Variants in DDX19A observed in about 807,000 individuals in gnomAD.
DDX19A encodes DEAD-box helicase 19A, also known as ATP-dependent RNA helicase DDX19A.
In DDX19A, 12 loss-of-function variants were observed where a neutral mutation model predicts 60.6. That is an observed-to-expected ratio of 0.20 (90% CI 0.13 to 0.32). The LOEUF (loss-of-function observed/expected upper bound fraction) is 0.32. Ranked by LOEUF, DDX19A falls within the 10% of genes least tolerant of loss-of-function variation. The pLI is 1.00. For missense variants in DDX19A, 337 were observed against 600.6 expected, an observed-to-expected ratio of 0.56 and a Z score of 4.59; for synonymous variants, 206 against 218.2, an observed-to-expected ratio of 0.94 and a Z score of 0.49.
chr16:70,349,101 C>A (rs1261341336), intron 1 of DDX19A, among the ~76,000 whole-genome samples: 1 of 152,170 alleles, frequency 6.6e-6, no homozygotes, highest in Non-Finnish European at 1.5e-5. Flanking sequence ...GTTGTACTCA[C>A]AACTATGATT....
chr16:70,353,207 C>T (rs1964080339), intron 2 of DDX19A, among the ~76,000 whole-genome samples: 1 of 151,122 alleles, frequency 6.6e-6, no homozygotes, highest in African/African-American at 2.5e-5. Context: ...CTCTGCCTGC[C>T]AGGTTCAAGC....
rs536452392 is a variant in DDX19A, at chr16:70,372,666, T to C, written c.*680T>C. 2.0e-5 allele frequency: 3 copies of C among 152,608 alleles called. No individual in the cohort carries two copies. Among genetic ancestry groups the C allele is most frequent in the Non-Finnish European group, 4.4e-5 (3 of 68,626 alleles). The allele number at this position is 152,608 out of a possible 1,614,324, so 9.5% of individuals were successfully genotyped here. A position where few individuals can be genotyped will look rare whatever the true frequency, so the allele number is the denominator to read the frequency against. On this transcript the variant is annotated 3_prime_UTR_variant, in exon 12 of 12. Transcript: ENST00000302243. ...TGAATCCTGACCCCTTGAGAGAGAG[T>C]GATCTGGCGAGGGCCGATGAAGGGG...
intron 1 of DDX19A, among the ~76,000 whole-genome samples, chr16:70,349,043 A>G (rs1358239048): frequency 6.6e-6 from 1 of 152,224 alleles, no homozygotes; most frequent in Non-Finnish European, 1.5e-5. Flanking sequence ...TCCCCAAGAG[A>G]TGCCAGGTTT....
chr16:70,347,593 G>A (rs955305021), intron 1 of DDX19A, among the ~76,000 whole-genome samples: 8 of 152,172 alleles, frequency 5.3e-5, no homozygotes, highest in African/African-American at 1.9e-4. Context: ...TCATTCAACT[G>A]GAATGTAATT....
At chr16:70,349,340 C>T (rs1174186450) in intron 1 of DDX19A, among the ~76,000 whole-genome samples, 1 of 152,246 alleles carries the variant, frequency 6.6e-6, no homozygotes, top group South Asian at 2.1e-4. Flanking sequence ...TCACCCTGTG[C>T]CTAGCATGTA....
intron 4 of DDX19A, among the ~76,000 whole-genome samples, chr16:70,357,362 G>GTTTTT (rs1248365917): frequency 7.4e-4 from 36 of 48,860 alleles, no homozygotes; most frequent in East Asian, 1.3e-3. Context: ...TCTGTTTTTG[G>GTTTTT]TTTGTTTTTT....
chr16:70,372,065 A>G lies in DDX19A; in HGVS notation c.*79A>G. ...AAGTGCATTTAGGGCACAGGCCCCG[A>G]CATCACCCCAAGGACAACGGCAGAA... On this transcript the variant is annotated 3_prime_UTR_variant, in exon 12 of 12. Transcript: ENST00000302243. The G allele has an allele frequency of 6.2e-7, 1 of 1,606,770 alleles. No homozygotes were observed. Among genetic ancestry groups the G allele is most frequent in the South Asian group, 1.1e-5 (1 of 90,896 alleles).
In DDX19A at chr16:70,371,997, C is replaced by G. The variant is rs1358702598; in HGVS notation, c.*11C>G. On this transcript the variant is annotated 3_prime_UTR_variant, in exon 12 of 12. Coordinates refer to ENST00000302243, the MANE Select transcript of DDX19A (RefSeq NM_018332.5). Reference sequence around the variant, plus strand: ...AAAATAGCCAACTGAGAAGCTCCACCAGCCACTGATGCCAGCCCTGGCACT... The same window carrying G: ...AAAATAGCCAACTGAGAAGCTCCACGAGCCACTGATGCCAGCCCTGGCACT... The G allele has an allele frequency of 1.2e-6, 2 of 1,614,014 alleles. No individual in the cohort carries two copies. Among genetic ancestry groups the G allele is most frequent in the Admixed American group, 3.3e-5 (2 of 60,008 alleles).
At chr16:70,360,587 G>A (rs918124074) in intron 4 of DDX19A, among the ~76,000 whole-genome samples, 6 of 151,792 alleles carry the variant, frequency 4.0e-5, no homozygotes, top group Non-Finnish European at 8.8e-5. Context: ...TCAAGCAGTC[G>A]TCCCACCTAG....
intron 4 of DDX19A, 71 bp downstream of exon 4, chr16:70,356,318 A>C: frequency 6.4e-7 from 1 of 1,564,026 alleles, no homozygotes. Flanking sequence ...CATCTGAGAG[A>C]TTCTTGTGAG....
At chr16:70,347,480 T>C (rs1963870346) in intron 1 of DDX19A, among the ~76,000 whole-genome samples, 2 of 152,240 alleles carry the variant, frequency 1.3e-5, no homozygotes, top group Admixed American at 6.5e-5. Context: ...CTTTTGGATT[T>C]AATACCTCAA....
chr16:70,368,583 CTTTTTTT>C (rs1179369230), intron 9 of DDX19A, among the ~76,000 whole-genome samples: 1 of 141,136 alleles, frequency 7.1e-6, no homozygotes, highest in African/African-American at 2.6e-5. Context: ...AAAAAATACT[CTTTTTTT>C]TTTTTTTTAG....
Position 70,346,947 on chromosome 16 carries a change from G to A in DDX19A, c.-45G>A. On this transcript the variant is annotated 5_prime_UTR_variant, in exon 1 of 12. Coordinates refer to ENST00000302243, the MANE Select transcript of DDX19A (RefSeq NM_018332.5). ...GAGGTTAGGGCCCGCGTTGCGACGT[G>A]GTGCAGCGCATATTTTCACAAGTGG... 6.3e-7 allele frequency: 1 copy of A among 1,587,324 alleles called. No individual in the cohort carries two copies. Among genetic ancestry groups the A allele is most frequent in the Non-Finnish European group, 8.6e-7 (1 of 1,164,848 alleles).
chr16:70,364,776 A>C (rs1255045244), intron 6 of DDX19A, 131 bp downstream of exon 6: 5 of 734,984 alleles, frequency 6.8e-6, no homozygotes, highest in Non-Finnish European at 9.3e-6. Flanking sequence ...AAGTTCCTAC[A>C]CCAGGCCCTG....
At chr16:70,360,615 G>A (rs1964337978) in intron 4 of DDX19A, among the ~76,000 whole-genome samples, 2 of 152,200 alleles carry the variant, frequency 1.3e-5, no homozygotes, top group African/African-American at 2.4e-5. Context: ...AAAGTGCTGG[G>A]ATTACAGGCG....
At chr16:70,364,091 A>G (rs756672926) in intron 5 of DDX19A, 51 of 154,596 alleles carry the variant, frequency 3.3e-4, no homozygotes, top group Non-Finnish European at 4.9e-4. Context: ...ATAAAATGGA[A>G]TGTAAAAGTT....
chr16:70,369,556 C>A (rs1291002437), intron 9 of DDX19A, among the ~76,000 whole-genome samples: 2 of 151,792 alleles, frequency 1.3e-5, no homozygotes, highest in Non-Finnish European at 2.9e-5. Context: ...AGGCGTGAGC[C>A]ACCGTATCTT....
chr16:70,350,848 ATTATTTATTTATTTATTTATTTATTTAT>A (rs200007299), intron 2 of DDX19A, among the ~76,000 whole-genome samples: 1 of 143,990 alleles, frequency 6.9e-6, no homozygotes, highest in Non-Finnish European at 1.5e-5. Context: ...ATTTTGGCAA[ATTATTTATTTATTTATTTATTTATTTAT>A]TTATTTATTT....
At chr16:70,353,368 C>T (rs1364684719) in intron 2 of DDX19A, among the ~76,000 whole-genome samples, 1 of 152,026 alleles carries the variant, frequency 6.6e-6, no homozygotes, top group East Asian at 2.0e-4. Context: ...GCTCGCTTGG[C>T]CTCGCAAAGT....
Sources: allele counts gnomAD v4.1 joint callset (sites outside exome capture counted in the v4.1 genomes callset), GRCh38; gene constraint gnomAD v4.1.1; transcripts MANE v1.5; gene names NCBI Gene and HGNC (gene_info 2026-07-23, HGNC 2026-07-21).